LRRC49: variants seen among roughly 807,000 people sequenced by gnomAD.
LRRC49 encodes leucine rich repeat containing 49, also known as leucine-rich repeat-containing protein 49.
LRRC49 carries 50 observed loss-of-function variants against 83.3 expected under a neutral mutation model. That is an observed-to-expected ratio of 0.60 (90% CI 0.48 to 0.76). The LOEUF is 0.76. LRRC49 is among the 30% of genes least tolerant of loss of function. The probability of loss-of-function intolerance (pLI) is 0.00; values close to 1 mark genes in which losing one functional copy is unlikely to be tolerated. For missense variants in LRRC49, 704 were observed against 809.1 expected (o/e 0.87, Z 1.58); for synonymous variants, 286 against 283.3 (o/e 1.01, Z -0.10).
chr15:71,016,168 G>T (rs1416976155), intron 14 of LRRC49, among the ~76,000 whole-genome samples: 1 of 151,938 alleles, frequency 6.6e-6, no homozygotes, highest in Admixed American at 6.6e-5. Context: ...TTTACTCTAT[G>T]TTTCTATGAA....
chr15:71,011,033 C>A (rs895711500), intron 13 of LRRC49, among the ~76,000 whole-genome samples: 56 of 152,092 alleles, frequency 3.7e-4, no homozygotes, highest in African/African-American at 1.3e-3. Flanking sequence ...ATGAAATTTG[C>A]ATCAACCATG....
chr15:70,901,509 C>T (rs534721145), intron 4 of LRRC49, among the ~76,000 whole-genome samples: 1 of 152,076 alleles, frequency 6.6e-6, no homozygotes, highest in Non-Finnish European at 1.5e-5. Context: ...GAATGCTGTT[C>T]CTTCTCATAT....
intron 8 of LRRC49, among the ~76,000 whole-genome samples, chr15:70,942,706 A>G (rs1245750615): frequency 6.6e-6 from 1 of 152,192 alleles, no homozygotes; most frequent in East Asian, 1.9e-4. Flanking sequence ...CAAGGTGGTC[A>G]GGGTGCAGCT....
chr15:70,911,610 C>T lies in LRRC49; in HGVS notation c.567+12C>T. The T allele has an allele frequency of 6.8e-7, 1 of 1,480,384 alleles. No homozygotes were observed. 91.7% of individuals were successfully genotyped at this position (1,480,384 alleles called of 1,614,324 possible). A position where few individuals can be genotyped will look rare whatever the true frequency, so the allele number is the denominator to read the frequency against. On this transcript the variant is annotated intron_variant, in intron 6 of 15. Coordinates refer to ENST00000260382, the MANE Select transcript of LRRC49 (RefSeq NM_017691.5). Reference sequence around the variant, plus strand: ...TTCATGGAAATCAGGTATTGTAAAGCCCTTTCATTTCTTTCTTTTTTGAAA... The same window carrying T: ...TTCATGGAAATCAGGTATTGTAAAGTCCTTTCATTTCTTTCTTTTTTGAAA...
At chr15:70,955,907 T>C (rs1055491670) in intron 8 of LRRC49, among the ~76,000 whole-genome samples, 1 of 152,232 alleles carries the variant, frequency 6.6e-6, no homozygotes, top group Admixed American at 6.5e-5. Flanking sequence ...CAGTTGTGTA[T>C]ATTTCAGTCC....
intron 14 of LRRC49, among the ~76,000 whole-genome samples, chr15:71,033,040 C>T (rs1260690554): frequency 2.0e-5 from 3 of 151,998 alleles, no homozygotes; most frequent in African/African-American, 4.8e-5. Context: ...AGAAATAAAG[C>T]GTATTCAAAA....
intron 9 of LRRC49, among the ~76,000 whole-genome samples, chr15:70,970,401 C>T (rs1389843880): frequency 2.0e-5 from 3 of 152,060 alleles, no homozygotes; most frequent in Non-Finnish European, 2.9e-5. Context: ...TGAGGATTTT[C>T]GCATTGATGT....
intron 8 of LRRC49, among the ~76,000 whole-genome samples, chr15:70,952,448 T>A (rs947244596): frequency 1.3e-5 from 2 of 152,176 alleles, no homozygotes; most frequent in African/African-American, 4.8e-5. Flanking sequence ...AACTCATTAT[T>A]GGACTGTTCA....
intron 2 of LRRC49, among the ~76,000 whole-genome samples, chr15:70,879,463 A>C (rs1216637456): frequency 6.6e-6 from 1 of 152,214 alleles, no homozygotes; most frequent in Non-Finnish European, 1.5e-5. Context: ...CTTCCTAAAC[A>C]CTTGAATTTT....
At chr15:70,953,787 A>G (rs1254419743) in intron 8 of LRRC49, among the ~76,000 whole-genome samples, 6 of 151,712 alleles carry the variant, frequency 4.0e-5, no homozygotes, top group Non-Finnish European at 5.9e-5. Context: ...GTAATCCCCT[A>G]TTTCTCAGCT....
At chr15:71,038,325 G>GT (rs954016385) in intron 15 of LRRC49, among the ~76,000 whole-genome samples, 1 of 152,118 alleles carries the variant, frequency 6.6e-6, no homozygotes, top group African/African-American at 2.4e-5. Flanking sequence ...GTTTTCAAAT[G>GT]TTTTTAACAG....
At chr15:70,917,389 C>T (rs556046532) in intron 6 of LRRC49, among the ~76,000 whole-genome samples, 1 of 152,298 alleles carries the variant, frequency 6.6e-6, no homozygotes, top group South Asian at 2.1e-4. Flanking sequence ...CTTCCTCTAC[C>T]CTGAAGCCCA....
chr15:71,009,791 TG>T lies in LRRC49; in HGVS notation c.1408-15del. 1 of 1,576,466 alleles carries T rather than the reference TG, an allele frequency of 6.3e-7. No homozygotes were observed. Among genetic ancestry groups the T allele is most frequent in the Non-Finnish European group, 8.7e-7 (1 of 1,150,860 alleles). On this transcript the variant is annotated splice_polypyrimidine_tract_variant and intron_variant, in intron 12 of 15. Coordinates refer to ENST00000260382, the MANE Select transcript of LRRC49 (RefSeq NM_017691.5). ...AAATCAATGTTCTGATCTGTATTTG[TG>T]TTTTATCATTGCAGCACCTTAAATT...
At chr15:71,023,295 C>T (rs765757632) in intron 14 of LRRC49, among the ~76,000 whole-genome samples, 5 of 151,974 alleles carry the variant, frequency 3.3e-5, no homozygotes, top group Non-Finnish European at 4.4e-5. Flanking sequence ...AAATGATGTT[C>T]AAAGAGTATT....
chr15:70,854,922 G>T (rs142045628), intron 1 of LRRC49, among the ~76,000 whole-genome samples: 13 of 152,316 alleles, frequency 8.5e-5, no homozygotes, highest in Middle Eastern at 3.4e-3. Context: ...TGAATAAAGG[G>T]AGCTATTGAA....
intron 15 of LRRC49, among the ~76,000 whole-genome samples, chr15:71,044,634 A>G (rs1055326114): frequency 6.6e-6 from 1 of 151,792 alleles, no homozygotes; most frequent in Non-Finnish European, 1.5e-5. Flanking sequence ...ACAAAAAATA[A>G]AATTAGCTGG....
At chr15:71,014,554 A>G (rs2038763791) in intron 14 of LRRC49, among the ~76,000 whole-genome samples, 1 of 152,136 alleles carries the variant, frequency 6.6e-6, no homozygotes, top group Admixed American at 6.6e-5. Context: ...TTTTTCAGAG[A>G]TACCCCTAAA....
rs547939545 is a variant in LRRC49, at chr15:70,870,770, G to A, written c.-298-2138G>A. Among the ~76,000 whole-genome samples, 631 of 152,258 alleles carry A rather than the reference G, an allele frequency of 4.1e-3. 7 individuals are homozygous for A. The highest frequency in any genetic ancestry group is 0.015 in the African/African-American group (609 of 41,528). ...CGCCCAAAGTGTTGGGATTACAGGT[G>A]TGAGCCACCGTGCCCAGCCAGCAGT... is the stretch of plus-strand genomic sequence containing the variant. On this transcript the variant is annotated intron_variant, in intron 1 of 16. Transcript: ENST00000544974.
intron 15 of LRRC49, among the ~76,000 whole-genome samples, chr15:71,045,558 G>A (rs551600904): frequency 6.6e-6 from 1 of 152,226 alleles, no homozygotes; most frequent in South Asian, 2.1e-4. Flanking sequence ...CTTATATACT[G>A]AAATGTAAAT....
Sources: gnomAD v4.1 joint callset for allele counts (sites outside exome capture counted in the v4.1 genomes callset) on GRCh38, gnomAD v4.1.1 for gene constraint, MANE v1.5 for transcripts, NCBI Gene and HGNC (gene_info 2026-07-23, HGNC 2026-07-21) for gene names.